Variants in DNER observed in about 807,000 individuals in gnomAD.
DNER encodes delta and Notch-like epidermal growth factor-related receptor.
A neutral mutation model predicts 78.2 loss-of-function variants in DNER; 33 were observed. The observed-to-expected ratio is 0.42, with a 90% CI of 0.32 to 0.56. The LOEUF is 0.56. Among genes scored for constraint, DNER ranks in the 20% least tolerant of loss-of-function variants. The probability of loss-of-function intolerance (pLI) is 0.11; values close to 1 mark genes in which losing one functional copy is unlikely to be tolerated. For missense variants in DNER, 918 were observed against 975.3 expected, an observed-to-expected ratio of 0.94 and a Z score of 0.78; for synonymous variants, 417 against 384.8, an observed-to-expected ratio of 1.08 and a Z score of -0.98.
rs571169241 is a variant in DNER, at chr2:229,524,421, C to T, written c.994-11485G>A. On this transcript the variant is annotated intron_variant, in intron 5 of 12. Coordinates refer to ENST00000341772, the MANE Select transcript of DNER (RefSeq NM_139072.4). Reference sequence around the variant, plus strand: ...TTAACTGTTGAAAGCTCTAAAATGACACAACTGATATTCAAAAACACTTAT... The same window carrying T: ...TTAACTGTTGAAAGCTCTAAAATGATACAACTGATATTCAAAAACACTTAT... Among the ~76,000 whole-genome samples, 11 of 152,274 alleles carry T rather than the reference C, an allele frequency of 7.2e-5. No individual in the cohort carries two copies. The South Asian group carries it at 2.3e-3, about 32-fold the overall frequency.
At position 229,674,486 on chromosome 2, in the gene DNER, C is replaced by A. The variant is rs575622430; in HGVS notation, c.276+39662G>T. The stretch of plus-strand genomic sequence containing the variant: ...TAGAGATGGGGTTTCACCATGTTGA[C>A]CAGGCTGGCCTCGAACTCCTGACCT... On this transcript the variant is annotated intron_variant, in intron 1 of 12. Coordinates refer to ENST00000341772, the MANE Select transcript of DNER (RefSeq NM_139072.4). 5.9e-5 allele frequency among the ~76,000 whole-genome samples: 9 copies of A among 152,310 alleles called. No homozygotes were observed. The South Asian group carries it at 1.9e-3, about 32-fold the overall frequency.
intron 1 of DNER, among the ~76,000 whole-genome samples, chr2:229,631,916 G>A (rs1310907987): frequency 6.6e-6 from 1 of 152,166 alleles, no homozygotes; most frequent in African/African-American, 2.4e-5. Context: ...GGCACACGGA[G>A]CTCAAATGTC....
At chr2:229,598,874 T>G (rs1697772419) in intron 1 of DNER, among the ~76,000 whole-genome samples, 1 of 152,056 alleles carries the variant, frequency 6.6e-6, no homozygotes, top group African/African-American at 2.4e-5. Flanking sequence ...GGTTTGCATC[T>G]CGAAAGGCCT....
chr2:229,436,567 A>G (rs1235574510), intron 8 of DNER, among the ~76,000 whole-genome samples: 1 of 152,226 alleles, frequency 6.6e-6, no homozygotes, highest in Non-Finnish European at 1.5e-5. Context: ...GGTCACCTAC[A>G]AAGTGAACTC....
chr2:229,631,084 G>A (rs958682151), intron 1 of DNER, among the ~76,000 whole-genome samples: 4 of 152,190 alleles, frequency 2.6e-5, no homozygotes, highest in African/African-American at 7.2e-5. Context: ...ATCACGAATA[G>A]CACTGTGACA....
At chr2:229,372,289 G>A (rs1460624384) in intron 11 of DNER, among the ~76,000 whole-genome samples, 1 of 152,260 alleles carries the variant, frequency 6.6e-6, no homozygotes, top group African/African-American at 2.4e-5. Flanking sequence ...CAAGGGACGA[G>A]CTCTTCAGTG....
intron 1 of DNER, among the ~76,000 whole-genome samples, chr2:229,707,404 T>C (rs1242593520): frequency 1.3e-5 from 2 of 152,128 alleles, no homozygotes; most frequent in Admixed American, 6.6e-5. Flanking sequence ...AAAGCATTTA[T>C]TGAAAAATAT....
At chr2:229,655,656 G>A (rs76617823) in intron 1 of DNER, among the ~76,000 whole-genome samples, 1,750 of 152,284 alleles carry the variant, frequency 0.011, 33 homozygotes, top group African/African-American at 0.04. Context: ...CCCACAAAAT[G>A]TCATGTCCAT....
chr2:229,538,819 G>GT (rs1207156780), intron 5 of DNER, among the ~76,000 whole-genome samples: 6 of 152,100 alleles, frequency 3.9e-5, no homozygotes, highest in African/African-American at 1.4e-4. Flanking sequence ...GATTACAGGC[G>GT]TGAGCCCCCG....
chr2:229,683,781 T>C lies in DNER; in HGVS notation c.276+30367A>G, dbSNP rs150112667. 3.2e-3 allele frequency among the ~76,000 whole-genome samples: 489 copies of C among 152,144 alleles called. 1 individual carries two copies. The highest frequency in any genetic ancestry group is 5.5e-3 in the Non-Finnish European group (376 of 68,002). ...ATGGCCATAGGGTGCCAGAAATGCA[T>C]CTCTTGACTTTGTGCAGAGATTTTC... On this transcript the variant is annotated intron_variant, in intron 1 of 12. Transcript: ENST00000341772.
chr2:229,541,333 G>T (rs1046809793), intron 5 of DNER, among the ~76,000 whole-genome samples: 6 of 152,310 alleles, frequency 3.9e-5, no homozygotes, highest in South Asian at 2.1e-4. Flanking sequence ...AAGAAGAAGA[G>T]AATCTTGTGG....
intron 4 of DNER, among the ~76,000 whole-genome samples, chr2:229,570,789 G>A (rs1487920695): frequency 6.6e-6 from 1 of 152,134 alleles, no homozygotes; most frequent in Non-Finnish European, 1.5e-5. Context: ...AAGCAGGTGG[G>A]GGAGGGAGTC....
chr2:229,541,197 C>T (rs1011988499), intron 5 of DNER, among the ~76,000 whole-genome samples: 2 of 152,130 alleles, frequency 1.3e-5, no homozygotes, highest in Non-Finnish European at 2.9e-5. Context: ...TCAGAATCAC[C>T]CTGCTGCCCA....
At chr2:229,649,197 T>C (rs1016738310) in intron 1 of DNER, among the ~76,000 whole-genome samples, 3 of 152,248 alleles carry the variant, frequency 2.0e-5, no homozygotes, top group African/African-American at 7.2e-5. Flanking sequence ...TTTATTTCTA[T>C]TGCAATCAGA....
chr2:229,601,961 A>T (rs1212404528), intron 1 of DNER, among the ~76,000 whole-genome samples: 1 of 151,674 alleles, frequency 6.6e-6, no homozygotes, highest in African/African-American at 2.4e-5. Context: ...ACTCAATTGC[A>T]CTTACTGACA....
At chr2:229,449,931 A>G (rs1184039414) in intron 7 of DNER, among the ~76,000 whole-genome samples, 1 of 152,130 alleles carries the variant, frequency 6.6e-6, no homozygotes, top group Non-Finnish European at 1.5e-5. Flanking sequence ...ACAGGAGGAC[A>G]CCACCACGCC....
chr2:229,400,581 G>A (rs1693245255), intron 10 of DNER, among the ~76,000 whole-genome samples: 1 of 152,004 alleles, frequency 6.6e-6, no homozygotes, highest in Non-Finnish European at 1.5e-5. Flanking sequence ...CCACATTAAT[G>A]GGGATGTGGC....
intron 8 of DNER, among the ~76,000 whole-genome samples, chr2:229,434,925 TACACACACACAC>T (rs58688647): frequency 7.7e-6 from 1 of 130,568 alleles, no homozygotes; most frequent in Non-Finnish European, 1.6e-5. Flanking sequence ...TATATATATA[TACACACACACAC>T]ACACACACAC....
chr2:229,662,809 A>G (rs149991437), intron 1 of DNER, among the ~76,000 whole-genome samples: 1 of 152,376 alleles, frequency 6.6e-6, no homozygotes, highest in African/African-American at 2.4e-5. Context: ...GAATTCACCT[A>G]TGAAATCAGG....
Sources: gnomAD v4.1 joint callset for allele counts (sites outside exome capture counted in the v4.1 genomes callset) on GRCh38, gnomAD v4.1.1 for gene constraint, MANE v1.5 for transcripts, NCBI Gene and HGNC (gene_info 2026-07-23, HGNC 2026-07-21) for gene names.